TMPRSS15: variants seen among roughly 807,000 people sequenced by gnomAD.
TMPRSS15 encodes transmembrane serine protease 15.
A neutral mutation model predicts 125.3 loss-of-function variants in TMPRSS15; 128 were observed. The ratio of observed to expected loss-of-function variants is 1.02; its 90% CI spans 0.89 to 1.18. The LOEUF is 1.18. Ranked by LOEUF, TMPRSS15 falls within the 50% of genes most tolerant of loss-of-function variation. The pLI, the probability that TMPRSS15 is intolerant of heterozygous loss-of-function variation, is 0.00. For synonymous variants in TMPRSS15, 446 were observed against 423.2 expected, an observed-to-expected ratio of 1.05 and a Z score of -0.66; for missense variants, 1,283 against 1,212.7, an observed-to-expected ratio of 1.06 and a Z score of -0.86.
intron 1 of TMPRSS15, among the ~76,000 whole-genome samples, chr21:18,450,663 C>A (rs2076266241): frequency 2.6e-5 from 4 of 151,116 alleles, no homozygotes. Flanking sequence ...TGGGCCATGA[C>A]CCACTTAAAG....
chr21:18,346,665 T>C (rs987824115), intron 10 of TMPRSS15, among the ~76,000 whole-genome samples: 1 of 152,198 alleles, frequency 6.6e-6, no homozygotes, highest in African/African-American at 2.4e-5. Flanking sequence ...TGTTGCGCTA[T>C]CTCACCAGGG....
At chr21:18,369,212 C>T (rs149142898) in intron 6 of TMPRSS15, among the ~76,000 whole-genome samples, 4 of 152,244 alleles carry the variant, frequency 2.6e-5, no homozygotes, top group East Asian at 1.9e-4. Context: ...TTAGGACCCA[C>T]GAAGAACTCC....
chr21:18,463,162 A>G (rs1410295983), intron 1 of TMPRSS15, among the ~76,000 whole-genome samples: 1 of 142,384 alleles, frequency 7.0e-6, no homozygotes, highest in Non-Finnish European at 1.5e-5. Flanking sequence ...GGGGTGCTGT[A>G]TTCAGGAGAC....
chr21:18,374,238 C>T (rs1725524688), intron 5 of TMPRSS15, among the ~76,000 whole-genome samples: 1 of 151,748 alleles, frequency 6.6e-6, no homozygotes, highest in Admixed American at 6.6e-5. Context: ...CTTTGGGAGG[C>T]CGAGGCGGGT....
At chr21:18,272,689 C>T (rs898285637) in intron 24 of TMPRSS15, among the ~76,000 whole-genome samples, 2 of 152,060 alleles carry the variant, frequency 1.3e-5, no homozygotes, top group Non-Finnish European at 2.9e-5. Flanking sequence ...CATGCCACTG[C>T]ACTCCAGCCT....
At chr21:18,483,575 C>A (rs367699802) in intron 1 of TMPRSS15, among the ~76,000 whole-genome samples, 3 of 151,720 alleles carry the variant, frequency 2.0e-5, no homozygotes, top group African/African-American at 7.3e-5. Context: ...TAAATACAAG[C>A]CTCGATTAGA....
At chr21:18,408,267 C>A (rs2076157538), upstream of TMPRSS15, among the ~76,000 whole-genome samples, 1 of 152,076 alleles carries the variant, frequency 6.6e-6, no homozygotes, top group Non-Finnish European at 1.5e-5. Context: ...AAGATTAAAG[C>A]CATGAACACT....
At chr21:18,293,694 A>G (rs2074865541) in intron 21 of TMPRSS15, among the ~76,000 whole-genome samples, 1 of 152,188 alleles carries the variant, frequency 6.6e-6, no homozygotes, top group Admixed American at 6.5e-5. Flanking sequence ...ATCTTGTCCT[A>G]TTATAGTATA....
At chr21:18,469,171 G>A (rs1292662200) in intron 1 of TMPRSS15, among the ~76,000 whole-genome samples, 1 of 152,090 alleles carries the variant, frequency 6.6e-6, no homozygotes, top group Non-Finnish European at 1.5e-5. Flanking sequence ...TTTGGAGGCA[G>A]GAAGAGGGCA....
At chr21:18,315,815 C>T (rs71319686) in intron 16 of TMPRSS15, among the ~76,000 whole-genome samples, 2,992 of 90,350 alleles carry the variant, frequency 0.033, 5 homozygotes, top group Admixed American at 0.049. Flanking sequence ...GCACGTTGTG[C>T]ACGTGTACCC....
At chr21:18,407,448 CTTTTTTT>C (rs201740388), upstream of TMPRSS15, among the ~76,000 whole-genome samples, 44 of 133,202 alleles carry the variant, frequency 3.3e-4, 2 homozygotes, top group Middle Eastern at 0.017. Flanking sequence ...TTTTTCTTTT[CTTTTTTT>C]TTTTTTTTTT....
At chr21:18,412,580 G>C (rs897570051) in intron 1 of TMPRSS15, among the ~76,000 whole-genome samples, 4 of 152,150 alleles carry the variant, frequency 2.6e-5, no homozygotes, top group Non-Finnish European at 4.4e-5. Flanking sequence ...TTTCGTACTA[G>C]GTAAATACAT....
At chr21:18,310,366 G>C (rs539019045) in intron 18 of TMPRSS15, among the ~76,000 whole-genome samples, 1 of 151,734 alleles carries the variant, frequency 6.6e-6, no homozygotes, top group South Asian at 2.1e-4. Flanking sequence ...AAAGTTTCAG[G>C]ATACAAAATA....
chr21:18,308,340 T>C (rs2075058370), intron 18 of TMPRSS15, among the ~76,000 whole-genome samples: 1 of 151,364 alleles, frequency 6.6e-6, no homozygotes, highest in Non-Finnish European at 1.5e-5. Flanking sequence ...GTTTAAAGAG[T>C]TTTTGTTGAA....
Position 18,341,434 on chromosome 21 carries a change from T to C in TMPRSS15, c.1543A>G (p.Thr515Ala), listed in dbSNP as rs1477057446. ...SLYPEPTLVP[T>A]PPPELPTDCG... The stretch of plus-strand genomic sequence containing the variant: ...TTACTAGGAAGTTCTGGTGGAGGAG[T>C]TGGCACCAAAGTTGGTTCTGGATAA... Residue 515 changes from threonine to alanine, a missense_variant, in exon 13 of 25, where the codon ACT (threonine) becomes GCT (alanine). Physicochemically the swap from Thr to Ala is moderately conservative, Grantham distance 58. Coordinates refer to ENST00000284885, the MANE Select transcript of TMPRSS15 (RefSeq NM_002772.3). The C allele has an allele frequency of 6.2e-7, 1 of 1,614,068 alleles. No homozygotes were observed. The highest frequency in any genetic ancestry group is 1.7e-5 in the Admixed American group (1 of 60,018).
intron 23 of TMPRSS15, among the ~76,000 whole-genome samples, chr21:18,276,812 T>C (rs2074627778): frequency 6.9e-6 from 1 of 145,962 alleles, no homozygotes; most frequent in South Asian, 2.2e-4. Flanking sequence ...CAGGCTGGAG[T>C]GCAATGGCGC....
Position 18,359,816 on chromosome 21 carries a change from G to T in TMPRSS15, c.821C>A (p.Thr274Lys). The change falls in exon 8 of 25, where the codon ACA (threonine) becomes AAA (lysine). Residue 274 changes from threonine to lysine, a missense_variant. Physicochemically the swap from Thr to Lys is moderately conservative, Grantham distance 78 (BLOSUM62 -1). Transcript: ENST00000284885. The part of the protein sequence containing the change: ...SIKLSFDDFN[T>K]YYTDILDIYE... ...AATATCTAATATATCTGTATAATAT[G>T]TATTAAAATCATCGAAGCTCAGTTT... 6.5e-7 allele frequency: 1 copy of T among 1,537,368 alleles called. No homozygotes were observed. The highest frequency in any genetic ancestry group is 9.0e-7 in the Non-Finnish European group (1 of 1,112,728).
chr21:18,285,229 T>C (rs2074748712), intron 21 of TMPRSS15, among the ~76,000 whole-genome samples: 1 of 152,118 alleles, frequency 6.6e-6, no homozygotes. Flanking sequence ...CCAGATAAGA[T>C]GAACTAGTGG....
chr21:18,446,765 A>T (rs542784333), intron 1 of TMPRSS15, among the ~76,000 whole-genome samples: 1 of 152,326 alleles, frequency 6.6e-6, no homozygotes, highest in South Asian at 2.1e-4. Flanking sequence ...CTAAACTTCT[A>T]TCTCTCATCA....
Sources: gnomAD v4.1 joint callset for allele counts (sites outside exome capture counted in the v4.1 genomes callset) on GRCh38, gnomAD v4.1.1 for gene constraint, MANE v1.5 for transcripts, NCBI Gene and HGNC (gene_info 2026-07-23, HGNC 2026-07-21) for gene names.